Variants in TEAD1 observed in about 807,000 individuals in gnomAD.
TEAD1 encodes transcriptional enhancer factor TEF-1.
Under a neutral mutation model 54.9 loss-of-function variants are expected in TEAD1, and 9 were observed. The observed-to-expected ratio is 0.16, with a 90% CI of 0.10 to 0.29. TEAD1 has a LOEUF of 0.29. Among genes scored for constraint, TEAD1 ranks in the 10% least tolerant of loss-of-function variants. The pLI, the probability that TEAD1 is intolerant of heterozygous loss-of-function variation, is 1.00. For synonymous variants in TEAD1, 200 were observed against 187.8 expected (o/e 1.07, Z -0.53); for missense variants, 387 against 535.9 (o/e 0.72, Z 2.74).
rs1018101980 is a variant in TEAD1 at position 12,676,002 on chromosome 11, T to C, written c.-55+441T>C. Among the ~76,000 whole-genome samples, 7 of 152,224 alleles carry C rather than the reference T, an allele frequency of 4.6e-5. No individual in the cohort carries two copies. The South Asian group carries it at 1.5e-3, about 32-fold the overall frequency. On this transcript the variant is annotated intron_variant, in intron 2 of 12. Coordinates refer to ENST00000527636, the MANE Select transcript of TEAD1 (RefSeq NM_021961.6). ...AGTGGCTTCCTGTGATTTGCAGAAA[T>C]GAAAATTGACCTCAGTGAGCCCTGG...
chr11:12,699,864 T>C (rs1051546605), intron 2 of TEAD1, among the ~76,000 whole-genome samples: 7 of 152,224 alleles, frequency 4.6e-5, no homozygotes, highest in Non-Finnish European at 7.3e-5. Context: ...TTTGAGATTA[T>C]TGTGCAGTCT....
intron 9 of TEAD1, among the ~76,000 whole-genome samples, chr11:12,887,100 T>G (rs1269685040): frequency 3.3e-5 from 5 of 149,358 alleles, no homozygotes; most frequent in African/African-American, 7.4e-5. Context: ...TTTGTTTGTT[T>G]TTTTTTTTTT....
intron 5 of TEAD1, chr11:12,879,357 ATT>A: frequency 1.9e-6 from 1 of 538,986 alleles, no homozygotes; most frequent in Non-Finnish European, 3.3e-6. Context: ...CAGGGCCTTT[ATT>A]TTTTTTTCTT....
intron 3 of TEAD1, among the ~76,000 whole-genome samples, chr11:12,860,959 GT>G (rs1395183853): frequency 1.3e-5 from 2 of 152,194 alleles, no homozygotes; most frequent in Non-Finnish European, 2.9e-5. Context: ...TCTCAGGCTG[GT>G]GAAGCACATG....
chr11:12,927,059 A>G (rs957762434), intron 11 of TEAD1, among the ~76,000 whole-genome samples: 1 of 152,204 alleles, frequency 6.6e-6, no homozygotes, highest in African/African-American at 2.4e-5. Flanking sequence ...CAATTTCCCA[A>G]ATGTCAAATT....
intron 2 of TEAD1, among the ~76,000 whole-genome samples, chr11:12,737,924 C>T (rs1236004894): frequency 6.6e-6 from 1 of 152,096 alleles, no homozygotes; most frequent in Non-Finnish European, 1.5e-5. Flanking sequence ...GTTGGGGAAG[C>T]CTCACAGTCA....
In TEAD1 at chr11:12,764,226, C is replaced by T. The variant is rs375373713; in HGVS notation, c.-7C>T. 7 of 1,612,046 alleles carry T rather than the reference C, an allele frequency of 4.3e-6. No homozygotes were observed. The highest frequency in any genetic ancestry group is 2.2e-5 in the South Asian group (2 of 90,678). On this transcript the variant is annotated 5_prime_UTR_variant, in exon 3 of 13. Transcript: ENST00000527636. ...CAGGCTTCGGCTTGGAAAATCCCAC[C>T]GCCAAAATTGAGCCCAGCAGCTGGA...
chr11:12,675,882 A>G (rs1412066992), intron 2 of TEAD1, among the ~76,000 whole-genome samples: 1 of 152,238 alleles, frequency 6.6e-6, no homozygotes, highest in Admixed American at 6.5e-5. Context: ...AGATTTATTT[A>G]AAGTTGGATA....
intron 10 of TEAD1, chr11:12,904,916 T>G (rs893493789): frequency 1.0e-4 from 34 of 330,180 alleles, no homozygotes; most frequent in Non-Finnish European, 2.4e-5. Flanking sequence ...CCTGGGAATT[T>G]ACTTGAGGTC....
In TEAD1 at chr11:12,937,443, A is replaced by T. The variant is rs2134179828; in HGVS notation, c.*221A>T. 2 of 423,302 alleles carry T rather than the reference A, an allele frequency of 4.7e-6. No individual in the cohort carries two copies. The highest frequency in any genetic ancestry group is 1.3e-3 in the Middle Eastern group (2 of 1,526). 26.2% of individuals were successfully genotyped at this position (423,302 alleles called of 1,614,324 possible). A position where few individuals can be genotyped will look rare whatever the true frequency, so the allele number is the denominator to read the frequency against. Reference sequence around the variant, plus strand: ...GCTGTGAAGTTCTGGTACAGTTGTAAAAAGAGAAATTGAGTTGTTTCTCTA... The same window carrying T: ...GCTGTGAAGTTCTGGTACAGTTGTATAAAGAGAAATTGAGTTGTTTCTCTA... On this transcript the variant is annotated 3_prime_UTR_variant, in exon 13 of 13. Transcript: ENST00000527636.
rs1038242168 is a variant in TEAD1, at chr11:12,734,256, A to G, written c.-54-29923A>G. Among the ~76,000 whole-genome samples the G allele has an allele frequency of 5.3e-5, 8 of 152,202 alleles. No homozygotes were observed. In the South Asian group the frequency reaches 6.2e-4, roughly 12 times the overall value. On this transcript the variant is annotated intron_variant, in intron 2 of 12. Transcript: ENST00000527636. ...AAAGTAAAAAATAAGAAAAGAAAAAAAATTTTAAGTAGAAAGCTTATAGAA... is the reference window on the plus strand; with the variant it reads ...AAAGTAAAAAATAAGAAAAGAAAAAGAATTTTAAGTAGAAAGCTTATAGAA...
At chr11:12,753,447 C>T (rs1341360913) in intron 2 of TEAD1, among the ~76,000 whole-genome samples, 2 of 152,188 alleles carry the variant, frequency 1.3e-5, no homozygotes, top group African/African-American at 2.4e-5. Flanking sequence ...AGTCTCTTTA[C>T]TGTAGCTCTT....
At chr11:12,762,988 C>G (rs1213805868) in intron 2 of TEAD1, among the ~76,000 whole-genome samples, 3 of 152,192 alleles carry the variant, frequency 2.0e-5, no homozygotes, top group Non-Finnish European at 4.4e-5. Context: ...ACCCTCCCTA[C>G]TCAGGCCCTT....
chr11:12,812,893 C>T (rs1468789148), intron 3 of TEAD1, among the ~76,000 whole-genome samples: 1 of 152,160 alleles, frequency 6.6e-6, no homozygotes, highest in Non-Finnish European at 1.5e-5. Context: ...AGAACAATAC[C>T]TTTCTAAGGT....
chr11:12,857,851 G>A (rs555151101), intron 3 of TEAD1, among the ~76,000 whole-genome samples: 36 of 152,244 alleles, frequency 2.4e-4, no homozygotes, highest in African/African-American at 8.4e-4. Context: ...TTAGGAGGCC[G>A]AGGTGGGCGG....
At chr11:12,814,887 G>A (rs1273809257) in intron 3 of TEAD1, among the ~76,000 whole-genome samples, 4 of 151,806 alleles carry the variant, frequency 2.6e-5, no homozygotes, top group South Asian at 2.1e-4. Context: ...GTGTGTGCAC[G>A]CGTCCCGGAG....
At chr11:12,887,611 G>C (rs183828420) in intron 9 of TEAD1, among the ~76,000 whole-genome samples, 10 of 152,290 alleles carry the variant, frequency 6.6e-5, no homozygotes, top group Non-Finnish European at 1.2e-4. Flanking sequence ...TACAATCAAG[G>C]TATAATGGTA....
At chr11:12,706,832 A>G (rs1273692238) in intron 2 of TEAD1, among the ~76,000 whole-genome samples, 1 of 152,172 alleles carries the variant, frequency 6.6e-6, no homozygotes, top group Non-Finnish European at 1.5e-5. Flanking sequence ...GGTGATAGTC[A>G]TATCCTCTCA....
At chr11:12,845,125 C>T (rs2004682) in intron 3 of TEAD1, among the ~76,000 whole-genome samples, 4,503 of 151,818 alleles carry the variant, frequency 0.03, 219 homozygotes, top group African/African-American at 0.099. Flanking sequence ...CTACCATGCC[C>T]GGCTAATTTT....
Sources: allele counts gnomAD v4.1 joint callset (sites outside exome capture counted in the v4.1 genomes callset), GRCh38; gene constraint gnomAD v4.1.1; transcripts MANE v1.5; gene names NCBI Gene and HGNC (gene_info 2026-07-23, HGNC 2026-07-21).